FREM3: variants seen among roughly 807,000 people sequenced by gnomAD.
The protein encoded by FREM3 is FRAS1-related extracellular matrix protein 3.
A neutral mutation model predicts 129.1 loss-of-function variants in FREM3; 105 were observed. That is an observed-to-expected ratio of 0.81 (90% CI 0.69 to 0.96). The LOEUF is 0.96. Ranked by LOEUF, FREM3 falls within the 40% of genes least tolerant of loss-of-function variation. The pLI is 0.00. For missense variants in FREM3, 2,593 were observed against 2,666.3 expected, an observed-to-expected ratio of 0.97 and a Z score of 0.61; for synonymous variants, 1,014 against 1,044.9, an observed-to-expected ratio of 0.97 and a Z score of 0.57.
At chr4:143,686,710 C>A (rs901847381) in intron 2 of FREM3, among the ~76,000 whole-genome samples, 1 of 152,162 alleles carries the variant, frequency 6.6e-6, no homozygotes, top group Non-Finnish European at 1.5e-5. Flanking sequence ...AATTAAATAA[C>A]CTGCTCCTGA....
chr4:143,645,770 A>G (rs115244057), intron 2 of FREM3, among the ~76,000 whole-genome samples: 75 of 152,286 alleles, frequency 4.9e-4, no homozygotes, highest in African/African-American at 1.8e-3. Flanking sequence ...CTATCAATAT[A>G]TTGGTTCTTT....
intron 2 of FREM3, among the ~76,000 whole-genome samples, chr4:143,671,883 C>A (rs2149855953): frequency 6.6e-6 from 1 of 152,288 alleles, no homozygotes; most frequent in African/African-American, 2.4e-5. Flanking sequence ...TGAGCAGGAT[C>A]TAAAATTAGT....
Position 143,588,347 on chromosome 4 carries a change from C to A in FREM3, c.6029-2354G>T, listed in dbSNP as rs188705723. 1.3e-3 allele frequency among the ~76,000 whole-genome samples: 196 copies of A among 152,088 alleles called. 1 individual carries two copies. The highest frequency in any genetic ancestry group is 0.01 in the Middle Eastern group (3 of 294). ...CATGTTGGTACGCTGTACCCATTAA[C>A]TCATCATTTAGCATTAGGTATATCT... is the stretch of plus-strand genomic sequence containing the variant. On this transcript the variant is annotated intron_variant, in intron 6 of 7. Coordinates refer to ENST00000329798, the MANE Select transcript of FREM3 (RefSeq NM_001168235.2).
rs566719441 is a variant in FREM3 at position 143,647,177 on chromosome 4, C to T, written c.5276-19417G>A. Among the ~76,000 whole-genome samples the T allele has an allele frequency of 5.9e-5, 9 of 152,286 alleles. No homozygotes were observed. The South Asian group carries it at 1.7e-3, about 28-fold the overall frequency. ...TGCTTTAGCAAAGAGACTGGTGGCACTTTGCCTCTGCCCTAGAGATCTGTG... is the reference window on the plus strand; with the variant it reads ...TGCTTTAGCAAAGAGACTGGTGGCATTTTGCCTCTGCCCTAGAGATCTGTG... On this transcript the variant is annotated intron_variant, in intron 2 of 7. Coordinates refer to ENST00000329798, the MANE Select transcript of FREM3 (RefSeq NM_001168235.2).
rs541774318 is a variant in FREM3, at chr4:143,664,374, G to C, written c.5275+28739C>G. On this transcript the variant is annotated intron_variant, in intron 2 of 7. Coordinates refer to ENST00000329798, the MANE Select transcript of FREM3 (RefSeq NM_001168235.2). ...ACTCCAGACCCTGTTTGCCTAGGTAGCAGCAGCGGTGTCTGCAGAACAGCA... is the reference window on the plus strand; with the variant it reads ...ACTCCAGACCCTGTTTGCCTAGGTACCAGCAGCGGTGTCTGCAGAACAGCA... Among the ~76,000 whole-genome samples, 4 of 152,242 alleles carry C rather than the reference G, an allele frequency of 2.6e-5. No homozygotes were observed. The South Asian group carries it at 8.3e-4, about 32-fold the overall frequency.
chr4:143,597,501 T>C (rs991599691), intron 6 of FREM3, among the ~76,000 whole-genome samples: 2 of 152,246 alleles, frequency 1.3e-5, no homozygotes, highest in African/African-American at 4.8e-5. Context: ...GGAAATGTGA[T>C]GCTTCCAGCT....
intron 5 of FREM3, among the ~76,000 whole-genome samples, chr4:143,619,913 A>G (rs1738916838): frequency 6.6e-6 from 1 of 152,170 alleles, no homozygotes; most frequent in African/African-American, 2.4e-5. Context: ...AGAGGAAGAA[A>G]AGCTGGAGGA....
At chr4:143,654,997 G>A (rs1418233242) in intron 2 of FREM3, among the ~76,000 whole-genome samples, 1 of 152,206 alleles carries the variant, frequency 6.6e-6, no homozygotes, top group African/African-American at 2.4e-5. Context: ...AACAGTTGAA[G>A]TGCAGCTGTT....
At chr4:143,656,373 A>C (rs1739601189) in intron 2 of FREM3, among the ~76,000 whole-genome samples, 1 of 152,254 alleles carries the variant, frequency 6.6e-6, no homozygotes, top group African/African-American at 2.4e-5. Flanking sequence ...ATGTTCAAAT[A>C]GCACTATTCA....
intron 2 of FREM3, among the ~76,000 whole-genome samples, chr4:143,642,248 C>T (rs1356784724): frequency 6.6e-6 from 1 of 152,084 alleles, no homozygotes; most frequent in East Asian, 1.9e-4. Context: ...ACAGATTTAA[C>T]ACAATACAAT....
At chr4:143,668,139 T>C (rs201678783) in intron 2 of FREM3, among the ~76,000 whole-genome samples, 1 of 152,240 alleles carries the variant, frequency 6.6e-6, no homozygotes, top group Admixed American at 6.5e-5. Flanking sequence ...GCATAAGTAA[T>C]GTAAATAAAG....
rs146323462 is a variant in FREM3, at chr4:143,582,577, C to A, written c.6178+3267G>T. Among the ~76,000 whole-genome samples, 443 of 152,238 alleles carry A rather than the reference C, an allele frequency of 2.9e-3. 4 individuals are homozygous for A. The highest frequency in any genetic ancestry group is 8.6e-3 in the African/African-American group (359 of 41,550). ...GCCCATACAGATGAGAAAGAACTAG[C>A]GTAAGAACTCTGGCAATTCAAAAAG... On this transcript the variant is annotated intron_variant, in intron 7 of 7. Coordinates refer to ENST00000329798, the MANE Select transcript of FREM3 (RefSeq NM_001168235.2).
intron 6 of FREM3, among the ~76,000 whole-genome samples, chr4:143,610,031 CA>C (rs1738728594): frequency 6.6e-6 from 1 of 151,996 alleles, no homozygotes; most frequent in Non-Finnish European, 1.5e-5. Context: ...TTAAGAAAAA[CA>C]ATCTTTGTTT....
At position 143,697,962 on chromosome 4, in the gene FREM3, C is replaced by G. The variant is rs954168781; in HGVS notation, c.2714G>C (p.Gly905Ala). 7.8e-6 allele frequency: 12 copies of G among 1,537,434 alleles called. No homozygotes were observed. In the African/African-American group the frequency reaches 1.5e-4, roughly 19 times the overall value. Reference protein sequence around the residue: ...VINGSVSYQHGRDQTTTSDTF... With the variant: ...VINGSVSYQHARDQTTTSDTF... ...GTCACTGGTAGTCGTCTGGTCTCTGCCATGCTGGTAAGAGACACTCCCGTT... is the reference window on the plus strand; with the variant it reads ...GTCACTGGTAGTCGTCTGGTCTCTGGCATGCTGGTAAGAGACACTCCCGTT... The change falls in exon 1 of 8, where the codon GGC becomes GCC. Residue 905 changes from glycine to alanine, a missense_variant. Around this residue, in one of 2 missense-constraint regions of FREM3, gnomAD observed 2,276 missense variants for 2,267.2 expected, o/e 1.00. Coordinates refer to ENST00000329798, the MANE Select transcript of FREM3 (RefSeq NM_001168235.2).
intron 5 of FREM3, among the ~76,000 whole-genome samples, chr4:143,616,099 A>G (rs1486682493): frequency 1.8e-4 from 27 of 152,254 alleles, no homozygotes; most frequent in Admixed American, 1.8e-3. Context: ...GATGCATAGA[A>G]AAAACATCTC....
At chr4:143,578,941 A>G (rs1023952311) in intron 7 of FREM3, among the ~76,000 whole-genome samples, 2 of 152,146 alleles carry the variant, frequency 1.3e-5, no homozygotes, top group African/African-American at 4.8e-5. Context: ...TAGATTATGC[A>G]AGTGTATCAA....
In FREM3 at chr4:143,697,047, A is replaced by G; in HGVS notation, c.3629T>C (p.Val1210Ala). 2.0e-6 allele frequency: 3 copies of G among 1,537,534 alleles called. No individual in the cohort carries two copies. Among genetic ancestry groups the G allele is most frequent in the Non-Finnish European group, 2.6e-6 (3 of 1,146,990 alleles). Residue 1210 changes from valine (V) to alanine (A), a missense_variant, in exon 1 of 8, where the codon GTC (valine) becomes GCC (alanine). Physicochemically the swap from Val to Ala is moderately conservative, Grantham distance 64. This residue lies in a region of FREM3 where 2,276 missense variants were observed against 2,267.2 expected (regional missense o/e 1.00). Coordinates refer to ENST00000329798, the MANE Select transcript of FREM3 (RefSeq NM_001168235.2). ...TCCATTAAGCAGCTGGGTGTCTATG[A>G]CCAGGCTCATCCCCTCTAGTACCTT... ...EFKVLEGMSL[V>A]IDTQLLNGAD...
chr4:143,686,771 G>A (rs1008160869), intron 2 of FREM3, among the ~76,000 whole-genome samples: 2 of 152,158 alleles, frequency 1.3e-5, no homozygotes, highest in African/African-American at 4.8e-5. Flanking sequence ...AAAATTCTTC[G>A]AACCGAACGA....
At chr4:143,659,264 C>T (rs1739658547) in intron 2 of FREM3, among the ~76,000 whole-genome samples, 1 of 151,676 alleles carries the variant, frequency 6.6e-6, no homozygotes, top group Admixed American at 6.6e-5. Context: ...AACAACAGTC[C>T]CCAGAGTGTG....
Sources: allele counts gnomAD v4.1 joint callset (sites outside exome capture counted in the v4.1 genomes callset), GRCh38; gene constraint gnomAD v4.1.1; regional missense constraint gnomAD v4.1.1; transcripts MANE v1.5; gene names NCBI Gene and HGNC (gene_info 2026-07-23, HGNC 2026-07-21).